Variants in MYH14 observed in about 807,000 individuals in gnomAD.
MYH14 encodes the protein myosin-14.
In MYH14, 123 loss-of-function variants were observed where a neutral mutation model predicts 255.5. The ratio of observed to expected loss-of-function variants is 0.48; its 90% CI spans 0.42 to 0.56. The LOEUF (loss-of-function observed/expected upper bound fraction) is 0.56, where lower values mean the gene tolerates loss of function less well. Ranked by LOEUF, MYH14 falls within the 20% of genes least tolerant of loss-of-function variation. The pLI is 0.00. For missense variants in MYH14, 2,423 were observed against 2,802.3 expected (o/e 0.86, Z 3.06); for synonymous variants, 1,095 against 1,161.2 (o/e 0.94, Z 1.16).
chr19:50,273,290 CAAA>C (rs778739770), intron 27 of MYH14, among the ~76,000 whole-genome samples: 3 of 78,626 alleles, frequency 3.8e-5, no homozygotes, highest in South Asian at 8.2e-4. Context: ...GACTATGTCT[CAAA>C]AAAAAAAAAA....
intron 17 of MYH14, among the ~76,000 whole-genome samples, chr19:50,255,802 G>A (rs988091052): frequency 4.0e-5 from 6 of 151,534 alleles, no homozygotes; most frequent in Admixed American, 6.6e-5. Context: ...GGAGTACGGG[G>A]TAGGGGAGAC....
chr19:50,290,745 C>T, intron 35 of MYH14, 142 bp from the exon 36 acceptor site: 1 of 813,076 alleles, frequency 1.2e-6, no homozygotes, highest in Non-Finnish European at 1.9e-6. Flanking sequence ...AGAGAGGAGA[C>T]CAAGTAAAGA....
At chr19:50,210,276 T>G (rs1002139765) in intron 1 of MYH14, 87 bp from the exon 2 acceptor site, 1 of 1,272,268 alleles carries the variant, frequency 7.9e-7, no homozygotes, top group African/African-American at 1.6e-5. Context: ...AAGGCAGAGG[T>G]GGCTGCCTGG....
intron 10 of MYH14, among the ~76,000 whole-genome samples, chr19:50,238,186 G>A (rs1006226351): frequency 3.3e-5 from 5 of 152,188 alleles, no homozygotes; most frequent in Non-Finnish European, 5.9e-5. Context: ...TGAGGCATCC[G>A]CAGGCTGGGC....
intron 1 of MYH14, among the ~76,000 whole-genome samples, chr19:50,208,379 C>T (rs2031947387): frequency 6.6e-6 from 1 of 152,098 alleles, no homozygotes; most frequent in Non-Finnish European, 1.5e-5. Flanking sequence ...CAAGCCACTG[C>T]ACTCCAGCCT....
intron 10 of MYH14, among the ~76,000 whole-genome samples, chr19:50,237,098 A>C (rs957113557): frequency 2.0e-5 from 3 of 152,184 alleles, no homozygotes; most frequent in Non-Finnish European, 4.4e-5. Context: ...TTCAAGTTTC[A>C]TCCACATTGT....
In MYH14 at chr19:50,248,981, C is replaced by A. The variant is rs749087346; in HGVS notation, c.1330-6C>A. On this transcript the variant is annotated splice_region_variant and splice_polypyrimidine_tract_variant and intron_variant, in intron 12 of 42. Transcript: ENST00000642316. Reference sequence around the variant, plus strand: ...CTGCGCCCTTACCATGAGCCCTGTCCCACAGGCTGACTTCGCGCTGGAGGC... The same window carrying A: ...CTGCGCCCTTACCATGAGCCCTGTCACACAGGCTGACTTCGCGCTGGAGGC... 1.2e-6 allele frequency: 2 copies of A among 1,613,190 alleles called. No individual in the cohort carries two copies. The highest frequency in any genetic ancestry group is 2.7e-5 in the African/African-American group (2 of 74,944).
In MYH14 at chr19:50,276,013, C is replaced by A. The variant is rs984856121; in HGVS notation, c.3490C>A (p.Arg1164=). ...LARAEDEGGA[R]AQLLKSLREA... ...CAGGGCAGAAGACGAGGGTGGGGCCCGGGCCCAGCTGCTGAAATCCCTGCG... is the reference window on the plus strand; with the variant it reads ...CAGGGCAGAAGACGAGGGTGGGGCCAGGGCCCAGCTGCTGAAATCCCTGCG... The change falls in exon 28 of 43, where the codon CGG becomes AGG. Residue 1164 remains arginine (R), a synonymous_variant. Transcript: ENST00000642316. The surrounding 1 kb of genome is among the most constrained non-coding windows in gnomAD (Gnocchi z 4.3). The A allele has an allele frequency of 2.5e-6, 4 of 1,612,760 alleles. No homozygotes were observed. The highest frequency in any genetic ancestry group is 3.3e-4 in the Middle Eastern group (2 of 6,056).
intron 13 of MYH14, 170 bp downstream of exon 13, chr19:50,249,309 C>CCCT: frequency 1.2e-6 from 1 of 821,828 alleles, no homozygotes; most frequent in Non-Finnish European, 1.9e-6. Context: ...GTCTCTGTCC[C>CCCT]CTGTCTCTGG....
intron 27 of MYH14, 57 bp downstream of exon 27, chr19:50,272,788 G>T (rs903680913): frequency 2.6e-6 from 4 of 1,517,728 alleles, no homozygotes; most frequent in Non-Finnish European, 3.6e-6. Context: ...GCCAGCCAGC[G>T]TGGGGTGCCC....
Position 50,226,966 on chromosome 19 carries a change from T to C in MYH14, c.874T>C (p.Tyr292His). Reference sequence around the variant, plus strand: ...CATCGTGGGCGCCAACATTGAGACCTGTATCCTCTCACAGCCCATGGGGGT... The same window carrying C: ...CATCGTGGGCGCCAACATTGAGACCCGTATCCTCTCACAGCCCATGGGGGT... ...GYIVGANIETYLLEKSRAIRQ... is the reference protein window; with the variant it reads ...GYIVGANIETHLLEKSRAIRQ... The change falls in exon 8 of 43, where the codon TAC becomes CAC. Residue 292 changes from tyrosine (Y) to histidine (H), a missense_variant and splice_region_variant. Coordinates refer to ENST00000642316, the MANE Select transcript of MYH14 (RefSeq NM_001145809.2). 1 of 1,613,632 alleles carries C rather than the reference T, an allele frequency of 6.2e-7. No individual in the cohort carries two copies. The highest frequency in any genetic ancestry group is 8.5e-7 in the Non-Finnish European group (1 of 1,179,708).
chr19:50,302,977 C>T (rs897033856), intron 40 of MYH14, among the ~76,000 whole-genome samples: 1 of 152,194 alleles, frequency 6.6e-6, no homozygotes, highest in East Asian at 1.9e-4. Flanking sequence ...TAAATGATTG[C>T]TGATTTTCTG....
chr19:50,218,672 C>A (rs923717405), intron 3 of MYH14, among the ~76,000 whole-genome samples: 2 of 151,890 alleles, frequency 1.3e-5, no homozygotes, highest in African/African-American at 4.8e-5. Flanking sequence ...TGGAAAAGTT[C>A]TTTGGTGGCG....
At chr19:50,271,748 C>A in intron 25 of MYH14, 101 bp from the exon 26 acceptor site, 1 of 1,541,544 alleles carries the variant, frequency 6.5e-7, no homozygotes, top group Admixed American at 1.9e-5. Context: ...TGAAAAGGAG[C>A]AGAAACATAG....
At chr19:50,217,814 A>G (rs1243936854) in intron 3 of MYH14, 43 bp downstream of exon 3, 1 of 1,601,098 alleles carries the variant, frequency 6.2e-7, no homozygotes, top group Non-Finnish European at 8.5e-7. Context: ...GCGGCTCTTC[A>G]ACGGGGGCCT....
chr19:50,223,918 G>A (rs893102979), intron 5 of MYH14, among the ~76,000 whole-genome samples: 1 of 152,094 alleles, frequency 6.6e-6, no homozygotes, highest in African/African-American at 2.4e-5. Context: ...GACCAGCCTG[G>A]GTAATATAGT....
chr19:50,234,047 T>G (rs2033543125), intron 10 of MYH14, among the ~76,000 whole-genome samples: 1 of 152,012 alleles, frequency 6.6e-6, no homozygotes, highest in Non-Finnish European at 1.5e-5. Flanking sequence ...CTCGAACTGC[T>G]GACTTCAAGT....
At position 50,260,632 on chromosome 19, in the gene MYH14, C is replaced by T. The variant is rs12981413; in HGVS notation, c.2355-14C>T. On this transcript the variant is annotated splice_polypyrimidine_tract_variant and intron_variant, in intron 19 of 42. Transcript: ENST00000642316. Reference sequence around the variant, plus strand: ...TGTAACTCTCTCCTCCCCACCCCTCCCTGCTCATTGCAGATACGAGATCCT... The same window carrying T: ...TGTAACTCTCTCCTCCCCACCCCTCTCTGCTCATTGCAGATACGAGATCCT... 703,360 of 1,600,692 alleles carry T rather than the reference C, an allele frequency of 0.44. 157,937 individuals carry two copies. Among genetic ancestry groups the T allele is most frequent in the Admixed American group, 0.63 (37,845 of 59,640 alleles).
rs661146 is a variant in MYH14, at chr19:50,292,284, G to A, written c.5151G>A (p.Arg1717=). 1.9e-6 allele frequency: 3 copies of A among 1,602,922 alleles called. No individual in the cohort carries two copies. Among genetic ancestry groups the A allele is most frequent in the Non-Finnish European group, 2.6e-6 (3 of 1,175,384 alleles). The stretch of plus-strand genomic sequence containing the variant: ...AGGCCCAGATGAAGGAGCTATGGCG[G>A]GAGGTGGAGGAGACACGCACCTCCC... ...KMQAQMKELW[R]EVEETRTSRE... Residue 1717 remains arginine (R), a synonymous_variant, in exon 37 of 43, where the codon CGG becomes CGA. Transcript: ENST00000642316.
Sources: allele counts gnomAD v4.1 joint callset (sites outside exome capture counted in the v4.1 genomes callset), GRCh38; gene constraint gnomAD v4.1.1; non-coding constraint Gnocchi (gnomAD v3.1); transcripts MANE v1.5; gene names NCBI Gene and HGNC (gene_info 2026-07-23, HGNC 2026-07-21).